FHIP1A: variants seen among roughly 807,000 people sequenced by gnomAD.
FHIP1A encodes the protein FHF complex subunit HOOK-interacting protein 1A.
Under a neutral mutation model 88.6 loss-of-function variants are expected in FHIP1A, and 61 were observed. The ratio of observed to expected loss-of-function variants is 0.69; its 90% CI spans 0.56 to 0.85. FHIP1A has a LOEUF of 0.85. Ranked by LOEUF, FHIP1A falls within the 40% of genes least tolerant of loss-of-function variation. FHIP1A has a pLI of 0.00. For synonymous variants in FHIP1A, 478 were observed against 496.0 expected (o/e 0.96, Z 0.48); for missense variants, 1,154 against 1,273.5 (o/e 0.91, Z 1.43).
At position 151,650,254 on chromosome 4, in the gene FHIP1A, G is replaced by T. The variant is rs1435897360; in HGVS notation, c.2213G>T (p.Ser738Ile). ...TCCCCTGCCCCTGAGGCAGAGCACA[G>T]CTCTAACCTGACAGCCGCCCACCCG... ...LASPAPEAEH[S>I]SNLTAAHPES... The change falls in exon 11 of 14, where the codon AGC (serine) becomes ATC (isoleucine). Residue 738 changes from serine to isoleucine, a missense_variant. By Grantham distance (142) the Ser-to-Ile change is moderately radical. Transcript: ENST00000435205. The T allele has an allele frequency of 6.4e-7, 1 of 1,551,710 alleles. No individual in the cohort carries two copies. The highest frequency in any genetic ancestry group is 1.2e-5 in the South Asian group (1 of 84,062).
rs539610666 is a variant in FHIP1A at position 151,482,809 on chromosome 4, T to C, written c.-123+161T>C. ...GGGAGAGGCTGTACTCTATCCTCTA[T>C]GTGAAGCATTTAAAAAATCTTTTCT... On this transcript the variant is annotated intron_variant, in intron 3 of 13. Coordinates refer to ENST00000435205, the MANE Select transcript of FHIP1A (RefSeq NM_001109977.3). 2.6e-5 allele frequency among the ~76,000 whole-genome samples: 4 copies of C among 152,230 alleles called. No individual in the cohort carries two copies. In the South Asian group the frequency reaches 8.3e-4, roughly 32 times the overall value.
At chr4:151,412,580 T>TTCCTTCC (rs1199098736) in intron 1 of FHIP1A, among the ~76,000 whole-genome samples, 5,076 of 112,832 alleles carry the variant, frequency 0.045, 167 homozygotes, top group Middle Eastern at 0.065. Flanking sequence ...CTTTCTTTCC[T>TTCCTTCC]TTCTTTCCTT....
chr4:151,566,317 G>GT lies in FHIP1A; in HGVS notation c.60dup (p.Asp21Ter). ...CCAGCAGGCTGTGAGCCTACAGGGA[G>GT]TTGACCCAGAAACATGCATGATTGT... On this transcript the variant is annotated frameshift_variant, in exon 4 of 14. Coordinates refer to ENST00000435205, the MANE Select transcript of FHIP1A (RefSeq NM_001109977.3). LOFTEE classifies it high-confidence loss of function. The GT allele has an allele frequency of 6.4e-7, 1 of 1,550,992 alleles. No individual in the cohort carries two copies. The highest frequency in any genetic ancestry group is 8.7e-7 in the Non-Finnish European group (1 of 1,146,410).
intron 2 of FHIP1A, among the ~76,000 whole-genome samples, chr4:151,478,688 C>T (rs1167290568): frequency 2.6e-5 from 4 of 152,012 alleles, no homozygotes; most frequent in East Asian, 1.9e-4. Flanking sequence ...CCTTAATATA[C>T]GTACTGTGTT....
Position 151,584,545 on chromosome 4 carries a change from CTCTG to C in FHIP1A, c.733-2091_733-2088del, listed in dbSNP as rs527415545. Among the ~76,000 whole-genome samples the C allele has an allele frequency of 5.3e-5, 8 of 152,204 alleles. No homozygotes were observed. The East Asian group carries it at 1.4e-3, about 26-fold the overall frequency. ...CATCTGTCTAAATCTCCCTTTCCTT[CTCTG>C]TCTGGTTCGTATGGCTTGAGGTCCC... is the stretch of plus-strand genomic sequence containing the variant. On this transcript the variant is annotated intron_variant, in intron 5 of 13. Coordinates refer to ENST00000435205, the MANE Select transcript of FHIP1A (RefSeq NM_001109977.3).
intron 2 of FHIP1A, among the ~76,000 whole-genome samples, chr4:151,467,212 G>C (rs921701866): frequency 1.3e-5 from 2 of 152,148 alleles, no homozygotes; most frequent in Admixed American, 1.3e-4. Flanking sequence ...TGGCCGAGAA[G>C]CATATGAAAA....
At chr4:151,509,785 G>GTGTGTA (rs1730964198) in intron 3 of FHIP1A, among the ~76,000 whole-genome samples, 1 of 151,482 alleles carries the variant, frequency 6.6e-6, no homozygotes, top group South Asian at 2.1e-4. Flanking sequence ...GTGTGTGTGT[G>GTGTGTA]TGTAGGTATA....
intron 7 of FHIP1A, among the ~76,000 whole-genome samples, chr4:151,597,346 T>C (rs1462312355): frequency 6.6e-6 from 1 of 152,190 alleles, no homozygotes; most frequent in Non-Finnish European, 1.5e-5. Flanking sequence ...TGCCTAGTTA[T>C]CACTAGTGGA....
At chr4:151,577,425 T>G (rs767846135) in intron 4 of FHIP1A, 25 bp from the exon 5 acceptor site, 1 of 1,497,390 alleles carries the variant, frequency 6.7e-7, no homozygotes, top group Non-Finnish European at 8.9e-7. Context: ...ATCAGATGGA[T>G]GACAAATGCT....
At chr4:151,498,279 G>A (rs79041198) in intron 3 of FHIP1A, among the ~76,000 whole-genome samples, 89 of 152,278 alleles carry the variant, frequency 5.8e-4, no homozygotes, top group African/African-American at 2.0e-3. Context: ...TTTGGTACCC[G>A]TATGAATTCA....
chr4:151,465,098 C>T (rs942192615), intron 2 of FHIP1A, among the ~76,000 whole-genome samples: 1 of 152,064 alleles, frequency 6.6e-6, no homozygotes, highest in Non-Finnish European at 1.5e-5. Flanking sequence ...GTCTCAGCTA[C>T]TAGAGAGGAT....
At chr4:151,590,900 T>A (rs1290902636) in intron 7 of FHIP1A, among the ~76,000 whole-genome samples, 1 of 152,220 alleles carries the variant, frequency 6.6e-6, no homozygotes. Flanking sequence ...GAGTCAATGC[T>A]GAATATGTAA....
chr4:151,619,680 C>A (rs1367406367), intron 7 of FHIP1A, among the ~76,000 whole-genome samples: 2 of 152,180 alleles, frequency 1.3e-5, no homozygotes, highest in African/African-American at 4.8e-5. Flanking sequence ...TTAATTATTT[C>A]ATTCAACATA....
intron 3 of FHIP1A, among the ~76,000 whole-genome samples, chr4:151,496,238 T>A (rs1487341067): frequency 1.3e-5 from 2 of 148,750 alleles, no homozygotes; most frequent in Non-Finnish European, 3.0e-5. Context: ...AAAGATTATA[T>A]ATATATATTT....
At chr4:151,586,388 C>T (rs1734214429) in intron 5 of FHIP1A, among the ~76,000 whole-genome samples, 1 of 152,218 alleles carries the variant, frequency 6.6e-6, no homozygotes, top group African/African-American at 2.4e-5. Context: ...GAGAGATGAG[C>T]AACCCATACC....
At chr4:151,411,324 C>T (rs1243950796) in intron 1 of FHIP1A, among the ~76,000 whole-genome samples, 1 of 135,522 alleles carries the variant, frequency 7.4e-6, no homozygotes, top group Non-Finnish European at 1.6e-5. Context: ...CAAGAATTGC[C>T]TCTGAGGAGT....
intron 3 of FHIP1A, among the ~76,000 whole-genome samples, chr4:151,527,242 C>T (rs1457072981): frequency 6.6e-6 from 1 of 152,234 alleles, no homozygotes; most frequent in Non-Finnish European, 1.5e-5. Flanking sequence ...CCATTGAGCA[C>T]TGAGTGAACG....
intron 3 of FHIP1A, among the ~76,000 whole-genome samples, chr4:151,529,769 G>A (rs925349632): frequency 6.6e-6 from 1 of 152,152 alleles, no homozygotes; most frequent in Non-Finnish European, 1.5e-5. Context: ...TGAAACTGAG[G>A]AAATTGGAGC....
At chr4:151,577,421 T>G (rs1326816799) in intron 4 of FHIP1A, 29 bp from the exon 5 acceptor site, 3 of 1,493,710 alleles carry the variant, frequency 2.0e-6, no homozygotes, top group Non-Finnish European at 1.8e-6. Flanking sequence ...AAACATCAGA[T>G]GGATGACAAA....
Sources: gnomAD v4.1 joint callset for allele counts (sites outside exome capture counted in the v4.1 genomes callset) on GRCh38, gnomAD v4.1.1 for gene constraint, MANE v1.5 for transcripts, NCBI Gene and HGNC (gene_info 2026-07-23, HGNC 2026-07-21) for gene names.